CAMSAP1: variants seen among roughly 807,000 people sequenced by gnomAD.
CAMSAP1 encodes calmodulin-regulated spectrin-associated protein 1.
A neutral mutation model predicts 143.5 loss-of-function variants in CAMSAP1; 58 were observed. That is an observed-to-expected ratio of 0.40 (90% CI 0.33 to 0.50). CAMSAP1 has a LOEUF of 0.50. Ranked by LOEUF, CAMSAP1 falls within the 20% of genes least tolerant of loss-of-function variation. The pLI is 0.45. For missense variants in CAMSAP1, 1,969 were observed against 2,115.7 expected (o/e 0.93, Z 1.36); for synonymous variants, 945 against 859.3 (o/e 1.10, Z -1.74).
chr9:135,865,134 G>A, intron 4 of CAMSAP1: 1 of 577,010 alleles, frequency 1.7e-6, no homozygotes, highest in Non-Finnish European at 3.1e-6. Flanking sequence ...TAACTTAAGA[G>A]TTCCAAAGTG....
intron 1 of CAMSAP1, among the ~76,000 whole-genome samples, chr9:135,896,662 A>T (rs1329764188): frequency 1.3e-5 from 2 of 152,268 alleles, no homozygotes; most frequent in Non-Finnish European, 2.9e-5. Context: ...AAACTAGGTT[A>T]TCTTAATGAA....
At chr9:135,843,093 C>T (rs1010138126) in intron 7 of CAMSAP1, among the ~76,000 whole-genome samples, 11 of 152,056 alleles carry the variant, frequency 7.2e-5, no homozygotes, top group African/African-American at 2.4e-4. Flanking sequence ...CTTGGAAGGC[C>T]GTGGCAGGTG....
chr9:135,828,392 A>G (rs1835749194), intron 7 of CAMSAP1, among the ~76,000 whole-genome samples: 1 of 152,174 alleles, frequency 6.6e-6, no homozygotes, highest in Admixed American at 6.5e-5. Flanking sequence ...AGCTCTGCAG[A>G]CGGTCTAGGG....
intron 8 of CAMSAP1, among the ~76,000 whole-genome samples, chr9:135,827,121 T>C (rs79132712): frequency 0.01 from 1,531 of 152,254 alleles, 36 homozygotes; most frequent in African/African-American, 0.035. Flanking sequence ...TTTAGATCGT[T>C]TCTTAAACAG....
chr9:135,841,678 G>A (rs980055504), intron 7 of CAMSAP1, among the ~76,000 whole-genome samples: 1 of 152,234 alleles, frequency 6.6e-6, no homozygotes, highest in Non-Finnish European at 1.5e-5. Flanking sequence ...TTGCTGTTCT[G>A]CAACCTCTGC....
At chr9:135,853,641 C>T (rs1836854158) in intron 5 of CAMSAP1, among the ~76,000 whole-genome samples, 1 of 152,244 alleles carries the variant, frequency 6.6e-6, no homozygotes, top group Non-Finnish European at 1.5e-5. Context: ...TGCACTTACT[C>T]CCAAATGCCT....
At chr9:135,839,333 C>T (rs1836256611) in intron 7 of CAMSAP1, among the ~76,000 whole-genome samples, 1 of 152,166 alleles carries the variant, frequency 6.6e-6, no homozygotes, top group Non-Finnish European at 1.5e-5. Flanking sequence ...CCAACAATGC[C>T]CAGTCTCTGG....
rs984625229 is a variant in CAMSAP1, at chr9:135,859,716, C to T, written c.808+2751G>A. 9.2e-5 allele frequency among the ~76,000 whole-genome samples: 14 copies of T among 151,422 alleles called. 1 individual carries two copies. Among genetic ancestry groups the T allele is most frequent in the Admixed American group, 7.9e-4 (12 of 15,166 alleles). On this transcript the variant is annotated intron_variant, in intron 5 of 16. Coordinates refer to ENST00000389532, the MANE Select transcript of CAMSAP1 (RefSeq NM_015447.4). Reference sequence around the variant, plus strand: ...CGTAACTCTGCCATTTTTTAAAATCCATTTTGATGTTCTGCTCTTAGATAA... The same window carrying T: ...CGTAACTCTGCCATTTTTTAAAATCTATTTTGATGTTCTGCTCTTAGATAA...
chr9:135,899,049 A>T (rs1838538351), intron 1 of CAMSAP1, among the ~76,000 whole-genome samples: 1 of 152,250 alleles, frequency 6.6e-6, no homozygotes. Context: ...AATTTCAAAA[A>T]TACTACGCTA....
Position 135,826,470 on chromosome 9 carries a change from A to C in CAMSAP1, c.1223+937T>G, listed in dbSNP as rs572923956. 1.3e-5 allele frequency: 2 copies of C among 149,506 alleles called. No individual in the cohort carries two copies. The highest frequency in any genetic ancestry group is 2.5e-5 in the African/African-American group (1 of 40,156). 9.3% of individuals were successfully genotyped at this position (149,506 alleles called of 1,614,324 possible). Reference sequence around the variant, plus strand: ...ACCCCTGGGTGTGTACCCCCCCACCACTGCCTGTATCACAAGGGCCTCTCA... The same window carrying C: ...ACCCCTGGGTGTGTACCCCCCCACCCCTGCCTGTATCACAAGGGCCTCTCA... On this transcript the variant is annotated intron_variant, in intron 8 of 16. Transcript: ENST00000389532. The surrounding 1 kb of genome is among the most constrained non-coding windows in gnomAD (Gnocchi z 4.4).
At chr9:135,845,106 A>C (rs1836503917) in intron 7 of CAMSAP1, among the ~76,000 whole-genome samples, 1 of 152,228 alleles carries the variant, frequency 6.6e-6, no homozygotes, top group Admixed American at 6.5e-5. Flanking sequence ...ACATCGATGC[A>C]AAAATCCTCA....
intron 4 of CAMSAP1, chr9:135,865,169 C>G: frequency 3.0e-6 from 2 of 669,262 alleles, no homozygotes; most frequent in Non-Finnish European, 5.2e-6. Context: ...CTATTCGGCT[C>G]AGAATCAGGC....
chr9:135,816,133 T>TG, intron 14 of CAMSAP1, 128 bp from the exon 15 acceptor site: 1 of 766,386 alleles, frequency 1.3e-6, no homozygotes, highest in African/African-American at 1.7e-5. Flanking sequence ...TCGGTGACGG[T>TG]GGGGGCTCGA....
At chr9:135,853,790 A>C (rs1836859328) in intron 5 of CAMSAP1, among the ~76,000 whole-genome samples, 1 of 152,158 alleles carries the variant, frequency 6.6e-6, no homozygotes, top group Admixed American at 6.5e-5. Flanking sequence ...CAGGACACAA[A>C]GGCACCGCTT....
At chr9:135,865,233 C>CA (rs1837332652) in intron 4 of CAMSAP1, 2 of 1,216,538 alleles carry the variant, frequency 1.6e-6, no homozygotes, top group Non-Finnish European at 2.4e-6. Context: ...ACAACAACAA[C>CA]AAAAAAACAG....
At position 135,855,447 on chromosome 9, in the gene CAMSAP1, A is replaced by G. The variant is rs139148377; in HGVS notation, c.809-4986T>C. ...TGCATGCCAAAATTTTAAAATTTGT[A>G]TTTTACTTTAAGAAGCTGGCTGGGC... On this transcript the variant is annotated intron_variant, in intron 5 of 16. Transcript: ENST00000389532. 6.4e-3 allele frequency among the ~76,000 whole-genome samples: 974 copies of G among 152,054 alleles called. 4 individuals are homozygous for G. The highest frequency in any genetic ancestry group is 0.02 in the Middle Eastern group (6 of 294).
In CAMSAP1 at chr9:135,811,986, GCT is replaced by G. The variant is rs1427799046; in HGVS notation, c.4507-377_4507-376del. On this transcript the variant is annotated intron_variant, in intron 16 of 16. Transcript: ENST00000389532. This position sits in a 1 kb window ranked among gnomAD's most constrained non-coding sequence, Gnocchi z 4.9. Reference sequence around the variant, plus strand: ...GTAACGAGTGCTGGCGAGCCATGGGGCTCTTTCACTGCCAGAAGGATACAGAG... The same window carrying G: ...GTAACGAGTGCTGGCGAGCCATGGGGCTTTCACTGCCAGAAGGATACAGAG... 3.3e-5 allele frequency among the ~76,000 whole-genome samples: 5 copies of G among 152,208 alleles called. No homozygotes were observed. Among genetic ancestry groups the G allele is most frequent in the Non-Finnish European group, 7.3e-5 (5 of 68,042 alleles).
chr9:135,850,107 T>C lies in CAMSAP1; in HGVS notation c.1045+30A>G, dbSNP rs372693820. 136 of 1,565,390 alleles carry C rather than the reference T, an allele frequency of 8.7e-5. No individual in the cohort carries two copies. The East Asian group carries it at 9.8e-4, about 11-fold the overall frequency. The stretch of plus-strand genomic sequence containing the variant: ...ATACTCTAGGCTCTCAAGGAAACCA[T>C]TGCCAACCTGGGGAATATCTGTCAC... On this transcript the variant is annotated intron_variant, in intron 7 of 16. Transcript: ENST00000389532.
intron 4 of CAMSAP1, among the ~76,000 whole-genome samples, chr9:135,866,023 G>A (rs1018334062): frequency 8.5e-5 from 13 of 152,222 alleles, no homozygotes; most frequent in African/African-American, 3.1e-4. Flanking sequence ...TAGGCACGTA[G>A]GGTTCATCCA....
Sources: allele counts gnomAD v4.1 joint callset (sites outside exome capture counted in the v4.1 genomes callset), GRCh38; gene constraint gnomAD v4.1.1; non-coding constraint Gnocchi (gnomAD v3.1); transcripts MANE v1.5; gene names NCBI Gene and HGNC (gene_info 2026-07-23, HGNC 2026-07-21).